UNC13C: variants seen among roughly 807,000 people sequenced by gnomAD.
The protein encoded by UNC13C is unc-13 homolog C, also known as protein unc-13 homolog C.
Under a neutral mutation model 245.4 loss-of-function variants are expected in UNC13C, and 174 were observed. That is an observed-to-expected ratio of 0.71 (90% CI 0.63 to 0.80). UNC13C has a LOEUF of 0.80. Ranked by LOEUF, UNC13C falls within the 30% of genes least tolerant of loss-of-function variation. The probability of loss-of-function intolerance (pLI) is 0.00; values close to 1 mark genes in which losing one functional copy is unlikely to be tolerated. For synonymous variants in UNC13C, 992 were observed against 895.1 expected, an observed-to-expected ratio of 1.11 and a Z score of -1.93; for missense variants, 2,829 against 2,602.9, an observed-to-expected ratio of 1.09 and a Z score of -1.89.
chr15:54,536,412 G>T (rs560915426), intron 26 of UNC13C, among the ~76,000 whole-genome samples: 1 of 151,974 alleles, frequency 6.6e-6, no homozygotes, highest in Non-Finnish European at 1.5e-5. Flanking sequence ...GCGTAAAAAA[G>T]AGCTAGTACC....
intron 2 of UNC13C, among the ~76,000 whole-genome samples, chr15:54,110,483 GA>G (rs1431581547): frequency 2.0e-5 from 3 of 152,240 alleles, no homozygotes; most frequent in African/African-American, 7.2e-5. Flanking sequence ...TTGGAAATGA[GA>G]TCGCTTTCTA....
chr15:54,006,928 G>A lies in UNC13C; in HGVS notation c.-256-5720G>A, dbSNP rs759295024. ...TTTTGCACAGGGGCCCTCTTGCTCA[G>A]TTGCACCTTTTCTGCACTTTGTGAG... On this transcript the variant is annotated intron_variant, in intron 1 of 32. Transcript: ENST00000260323. Among the ~76,000 whole-genome samples, 5 of 152,292 alleles carry A rather than the reference G, an allele frequency of 3.3e-5. No individual in the cohort carries two copies. The South Asian group carries it at 8.3e-4, about 25-fold the overall frequency.
intron 4 of UNC13C, among the ~76,000 whole-genome samples, chr15:54,187,329 C>T (rs2034026311): frequency 6.6e-6 from 1 of 152,054 alleles, no homozygotes; most frequent in African/African-American, 2.4e-5. Flanking sequence ...ATACCATAGC[C>T]AGAGTGGGCT....
chr15:53,945,277 G>T, the UNC13C span, among the ~76,000 whole-genome samples: 1 of 152,100 alleles, frequency 6.6e-6, no homozygotes, highest in South Asian at 2.1e-4. Context: ...TTTTGCTTTT[G>T]TTGCAATTGC....
chr15:54,249,220 T>G (rs952964372), intron 7 of UNC13C, among the ~76,000 whole-genome samples: 4 of 125,966 alleles, frequency 3.2e-5, no homozygotes, highest in African/African-American at 1.3e-4. Flanking sequence ...CTGTGTTTAT[T>G]GTTGTTGGTG....
At position 54,627,063 on chromosome 15, in the gene UNC13C, G is replaced by C. The variant is rs1901216392; in HGVS notation, c.6595G>C (p.Glu2199Gln). 1.9e-6 allele frequency: 3 copies of C among 1,612,906 alleles called. No homozygotes were observed. The highest frequency in any genetic ancestry group is 2.2e-5 in the East Asian group (1 of 44,826). The change falls in exon 33 of 33, where the codon GAA (glutamate) becomes CAA (glutamine). Residue 2199 changes from glutamate to glutamine, a missense_variant. Physicochemically the swap from Glu to Gln is conservative, Grantham distance 29. Coordinates refer to ENST00000260323, the MANE Select transcript of UNC13C (RefSeq NM_001080534.3). ...SQRTSDDVAKEFVRLKSETRS... is the reference protein window; with the variant it reads ...SQRTSDDVAKQFVRLKSETRS... ...GAGGACCAGTGATGATGTGGCTAAA[G>C]AATTTGTAAGACTTAAATCTGAAAC...
the UNC13C span, among the ~76,000 whole-genome samples, chr15:53,858,340 A>G: frequency 6.6e-6 from 1 of 151,998 alleles, no homozygotes; most frequent in African/African-American, 2.4e-5. Context: ...GACATGATAT[A>G]TAATTTTTAT....
At chr15:54,058,164 A>T (rs143650266) in intron 2 of UNC13C, among the ~76,000 whole-genome samples, 1 of 152,168 alleles carries the variant, frequency 6.6e-6, no homozygotes, top group Non-Finnish European at 1.5e-5. Context: ...AAAATCAATG[A>T]ATCCAGGAGC....
At chr15:54,604,932 A>G (rs1222288932) in intron 30 of UNC13C, among the ~76,000 whole-genome samples, 4 of 140,128 alleles carry the variant, frequency 2.9e-5, no homozygotes, top group Non-Finnish European at 6.2e-5. Flanking sequence ...CACTTCCGGC[A>G]CATGTACCCT....
the UNC13C span, among the ~76,000 whole-genome samples, chr15:53,937,697 C>A: frequency 1.3e-5 from 2 of 152,280 alleles, no homozygotes; most frequent in East Asian, 3.9e-4. Flanking sequence ...CAGTGGAAAC[C>A]CTACAAGCCA....
intron 23 of UNC13C, 82 bp downstream of exon 23, chr15:54,507,276 T>C: frequency 1.1e-6 from 1 of 937,308 alleles, no homozygotes; most frequent in Non-Finnish European, 1.6e-6. Flanking sequence ...AGATAAATTG[T>C]TGACTTTCAG....
chr15:54,087,126 T>C (rs1170821601), intron 2 of UNC13C, among the ~76,000 whole-genome samples: 2 of 152,260 alleles, frequency 1.3e-5, no homozygotes, highest in East Asian at 3.9e-4. Context: ...ATGATTTAGA[T>C]GTGTCATTCA....
At chr15:54,049,446 A>G (rs1376090053) in intron 2 of UNC13C, 3 of 450,450 alleles carry the variant, frequency 6.7e-6, no homozygotes, top group Non-Finnish European at 1.3e-5. Context: ...AGACCACATA[A>G]CATTGAAGAG....
At chr15:54,005,474 T>C (rs1406995347) in intron 1 of UNC13C, among the ~76,000 whole-genome samples, 1 of 152,198 alleles carries the variant, frequency 6.6e-6, no homozygotes, top group Non-Finnish European at 1.5e-5. Flanking sequence ...TGGGAATTCA[T>C]AACAGTATCT....
chr15:53,869,402 A>G, the UNC13C span, among the ~76,000 whole-genome samples: 2 of 140,894 alleles, frequency 1.4e-5, no homozygotes, highest in Admixed American at 7.5e-5. Context: ...AATCATTAAT[A>G]TTTTACTCCA....
intron 4 of UNC13C, among the ~76,000 whole-genome samples, chr15:54,168,807 A>G (rs545514874): frequency 6.6e-6 from 1 of 152,224 alleles, no homozygotes; most frequent in Non-Finnish European, 1.5e-5. Context: ...ATTATTACAC[A>G]TGCATATGAT....
At chr15:54,294,263 T>A (rs926722146) in intron 11 of UNC13C, among the ~76,000 whole-genome samples, 199 bp downstream of exon 11, 5 of 152,076 alleles carry the variant, frequency 3.3e-5, no homozygotes, top group African/African-American at 1.2e-4. Context: ...AAATTTGAGG[T>A]GAAAGGAGAA....
intron 10 of UNC13C, among the ~76,000 whole-genome samples, chr15:54,282,244 A>C (rs926100169): frequency 6.6e-6 from 1 of 152,210 alleles, no homozygotes; most frequent in Non-Finnish European, 1.5e-5. Context: ...CAGAATCATA[A>C]ATATATGAAC....
At chr15:54,050,161 G>C (rs1312137731) in intron 2 of UNC13C, 1 of 435,106 alleles carries the variant, frequency 2.3e-6, no homozygotes, top group African/African-American at 2.1e-5. Flanking sequence ...AGTAGAGACA[G>C]GGGTTTCACC....
Sources: allele counts gnomAD v4.1 joint callset (sites outside exome capture counted in the v4.1 genomes callset), GRCh38; gene constraint gnomAD v4.1.1; transcripts MANE v1.5; gene names NCBI Gene and HGNC (gene_info 2026-07-23, HGNC 2026-07-21).